EPHA3: variants seen among roughly 807,000 people sequenced by gnomAD.
The protein encoded by EPHA3 is EPH receptor A3, also known as ephrin type-A receptor 3.
A neutral mutation model predicts 107.1 loss-of-function variants in EPHA3; 42 were observed. That is an observed-to-expected ratio of 0.39 (90% CI 0.31 to 0.51). The LOEUF is 0.51. Among genes scored for constraint, EPHA3 ranks in the 20% least tolerant of loss-of-function variants. The pLI, the probability that EPHA3 is intolerant of heterozygous loss-of-function variation, is 0.78. For synonymous variants in EPHA3, 461 were observed against 424.8 expected, an observed-to-expected ratio of 1.09 and a Z score of -1.05; for missense variants, 1,183 against 1,211.2, an observed-to-expected ratio of 0.98 and a Z score of 0.35.
At chr3:89,439,027 A>C (rs180893207) in intron 13 of EPHA3, among the ~76,000 whole-genome samples, 2 of 152,222 alleles carry the variant, frequency 1.3e-5, no homozygotes, top group South Asian at 4.1e-4. Context: ...GTAAAGGCAG[A>C]AAAGTAAAAT....
At position 89,407,286 on chromosome 3, in the gene EPHA3, G is replaced by C. The variant is rs1709073495; in HGVS notation, c.1612G>C (p.Glu538Gln). 1 of 1,613,258 alleles carries C rather than the reference G, an allele frequency of 6.2e-7. No individual in the cohort carries two copies. The highest frequency in any genetic ancestry group is 2.2e-5 in the East Asian group (1 of 44,850). ...TSPDSFSISG[E>Q]SSQVVMIAIS... ...CCTCACAGCTTTCTCCATCTCTGGT[G>C]AAAGTAGCCAAGTGGTCATGATCGC... Residue 538 changes from glutamate (E) to glutamine (Q), a missense_variant, in exon 8 of 17, where the codon GAA (glutamate) becomes CAA (glutamine). Coordinates refer to ENST00000336596, the MANE Select transcript of EPHA3 (RefSeq NM_005233.6).
intron 5 of EPHA3, among the ~76,000 whole-genome samples, chr3:89,349,842 T>A (rs1184746332): frequency 2.0e-5 from 3 of 147,872 alleles, no homozygotes; most frequent in Admixed American, 2.0e-4. Flanking sequence ...CATTTGCTTG[T>A]CTGTAAAGTA....
chr3:89,199,996 C>A (rs1175685434), intron 2 of EPHA3, among the ~76,000 whole-genome samples: 5 of 152,084 alleles, frequency 3.3e-5, no homozygotes, highest in Admixed American at 1.3e-4. Flanking sequence ...AACCAGAGAC[C>A]ATGGAGGGCA....
intron 1 of EPHA3, among the ~76,000 whole-genome samples, chr3:89,116,519 C>T (rs181487142): frequency 3.7e-4 from 57 of 152,048 alleles, no homozygotes; most frequent in Non-Finnish European, 6.8e-4. Context: ...GAAAAGGTAG[C>T]TAAAACAGGC....
At chr3:89,410,447 T>C (rs1709137816) in intron 9 of EPHA3, among the ~76,000 whole-genome samples, 3 of 152,044 alleles carry the variant, frequency 2.0e-5, no homozygotes, top group African/African-American at 2.4e-5. Flanking sequence ...TTATAATCTT[T>C]GTAAATTCTG....
chr3:89,208,430 G>GAAAGAAAT (rs1559600809), intron 2 of EPHA3, among the ~76,000 whole-genome samples: 1 of 88,848 alleles, frequency 1.1e-5, no homozygotes, highest in Non-Finnish European at 2.1e-5. Context: ...AAGGAAGAAA[G>GAAAGAAAT]AAAGAAAGAA....
intron 2 of EPHA3, among the ~76,000 whole-genome samples, chr3:89,187,679 A>G (rs1301766641): frequency 2.6e-5 from 4 of 152,096 alleles, no homozygotes; most frequent in Non-Finnish European, 5.9e-5. Context: ...TGTAGAAAAT[A>G]TTTGTTGATT....
At chr3:89,389,150 T>C (rs1157183432) in intron 5 of EPHA3, among the ~76,000 whole-genome samples, 1 of 152,110 alleles carries the variant, frequency 6.6e-6, no homozygotes, top group Non-Finnish European at 1.5e-5. Context: ...GTAGCTAAAA[T>C]AGAAAATCAG....
intron 3 of EPHA3, among the ~76,000 whole-genome samples, chr3:89,225,784 AGGG>A (rs1704487696): frequency 6.6e-6 from 1 of 152,152 alleles, no homozygotes; most frequent in African/African-American, 2.4e-5. Context: ...GAAAGTTGAA[AGGG>A]GTAAAGAAGT....
intron 2 of EPHA3, among the ~76,000 whole-genome samples, chr3:89,175,685 T>A (rs752729878): frequency 7.9e-5 from 12 of 152,272 alleles, no homozygotes; most frequent in Non-Finnish European, 1.5e-4. Flanking sequence ...TTATTCCACT[T>A]TAAATTTTGA....
chr3:89,304,912 A>C (rs1706576931), intron 3 of EPHA3, among the ~76,000 whole-genome samples: 1 of 152,154 alleles, frequency 6.6e-6, no homozygotes, highest in Non-Finnish European at 1.5e-5. Flanking sequence ...ATATTTAAGG[A>C]ATTTATAAAT....
At chr3:89,440,089 G>T (rs1709754705) in intron 13 of EPHA3, among the ~76,000 whole-genome samples, 1 of 152,078 alleles carries the variant, frequency 6.6e-6, no homozygotes, top group Non-Finnish European at 1.5e-5. Flanking sequence ...TCTCTCAGTG[G>T]CGCTGAGATT....
chr3:89,214,101 C>G (rs1400045312), intron 3 of EPHA3, among the ~76,000 whole-genome samples: 3 of 151,806 alleles, frequency 2.0e-5, no homozygotes, highest in Non-Finnish European at 4.4e-5. Context: ...AGCCTAATGC[C>G]AAAAAAATTT....
intron 3 of EPHA3, among the ~76,000 whole-genome samples, chr3:89,286,551 A>G (rs1706087745): frequency 6.6e-6 from 1 of 152,102 alleles, no homozygotes; most frequent in African/African-American, 2.4e-5. Context: ...TAAAATACTG[A>G]GTATGTTTTG....
At chr3:89,268,397 A>G (rs979010830) in intron 3 of EPHA3, among the ~76,000 whole-genome samples, 15 of 152,290 alleles carry the variant, frequency 9.8e-5, no homozygotes, top group Admixed American at 9.2e-4. Flanking sequence ...CTTAGAAACA[A>G]TAAGAAAGGT....
chr3:89,349,777 G>A (rs1407544520), intron 5 of EPHA3, among the ~76,000 whole-genome samples: 76 of 149,472 alleles, frequency 5.1e-4, no homozygotes, highest in African/African-American at 9.3e-4. Context: ...TCCATGTTTA[G>A]CGCTTCCTTC....
At chr3:89,466,918 C>A (rs1710289175) in intron 15 of EPHA3, among the ~76,000 whole-genome samples, 1 of 151,798 alleles carries the variant, frequency 6.6e-6, no homozygotes, top group African/African-American at 2.4e-5. Flanking sequence ...AGGAATTAAA[C>A]CAGGTGTAAC....
chr3:89,413,093 T>C, intron 9 of EPHA3, 48 bp from the exon 10 acceptor site: 1 of 1,578,052 alleles, frequency 6.3e-7, no homozygotes, highest in Admixed American at 1.7e-5. Context: ...CTATAATTGT[T>C]TGTACAAATC....
intron 5 of EPHA3, among the ~76,000 whole-genome samples, chr3:89,372,062 C>T (rs1708316993): frequency 6.6e-6 from 1 of 151,406 alleles, no homozygotes; most frequent in African/African-American, 2.4e-5. Flanking sequence ...AAAAATGTCA[C>T]CACAAGTTTA....
Sources: gnomAD v4.1 joint callset for allele counts (sites outside exome capture counted in the v4.1 genomes callset) on GRCh38, gnomAD v4.1.1 for gene constraint, MANE v1.5 for transcripts, NCBI Gene and HGNC (gene_info 2026-07-23, HGNC 2026-07-21) for gene names.